Variants in PTH2R observed in about 807,000 individuals in gnomAD.
The protein encoded by PTH2R is PTH2 receptor.
A neutral mutation model predicts 60.3 loss-of-function variants in PTH2R; 59 were observed. The ratio of observed to expected loss-of-function variants is 0.98; its 90% CI spans 0.79 to 1.22. The LOEUF (loss-of-function observed/expected upper bound fraction) is 1.22. Among genes scored for constraint, PTH2R ranks in the 50% most tolerant of loss-of-function variants. PTH2R has a pLI of 0.00. For synonymous variants in PTH2R, 256 were observed against 243.8 expected (o/e 1.05, Z -0.47); for missense variants, 749 against 682.6 (o/e 1.10, Z -1.08).
chr2:208,465,295 G>C (rs555916129), intron 9 of PTH2R, among the ~76,000 whole-genome samples: 8 of 149,536 alleles, frequency 5.3e-5, no homozygotes, highest in Non-Finnish European at 1.2e-4. Flanking sequence ...CATTCTAACA[G>C]GTATGAGGTG....
intron 1 of PTH2R, among the ~76,000 whole-genome samples, chr2:208,365,203 G>A (rs530992202): frequency 6.6e-6 from 1 of 152,052 alleles, no homozygotes; most frequent in Non-Finnish European, 1.5e-5. Context: ...CCAATACTCT[G>A]TTGAATAGAA....
At position 208,443,443 on chromosome 2, in the gene PTH2R, A is replaced by T; in HGVS notation, c.605A>T (p.His202Leu). The change falls in exon 6 of 13, where the codon CAT becomes CTT. Residue 202 changes from histidine to leucine, a missense_variant. By Grantham distance (99) the His-to-Leu change is moderately conservative. Coordinates refer to ENST00000272847, the MANE Select transcript of PTH2R (RefSeq NM_005048.4). ...TSIFVKDRVV[H>L]AHIGVKELES... ...ATCTTTGTCAAAGACAGAGTAGTCC[A>T]TGCTCACATAGGAGTAAAGGAGCTG... 6.2e-7 allele frequency: 1 copy of T among 1,613,912 alleles called. No individual in the cohort carries two copies. Among genetic ancestry groups the T allele is most frequent in the Non-Finnish European group, 8.5e-7 (1 of 1,179,852 alleles).
intron 2 of PTH2R, among the ~76,000 whole-genome samples, chr2:208,436,988 T>A (rs768568385): frequency 3.9e-5 from 6 of 152,088 alleles, no homozygotes; most frequent in Non-Finnish European, 8.8e-5. Flanking sequence ...TGACAGTAGA[T>A]GTTGTGAGAA....
intron 12 of PTH2R, among the ~76,000 whole-genome samples, chr2:208,492,806 C>T (rs1324995534): frequency 6.6e-6 from 1 of 152,124 alleles, no homozygotes; most frequent in Non-Finnish European, 1.5e-5. Context: ...TGGCTGAGAT[C>T]ATCCTAGGGA....
Position 208,428,300 on chromosome 2 carries a change from G to A in PTH2R, c.175G>A (p.Gly59Arg). Residue 59 changes from glycine to arginine, a missense_variant, in exon 2 of 13, where the codon GGA (glycine) becomes AGA (arginine). Gly to Arg is a moderately radical substitution (Grantham distance 125). Coordinates refer to ENST00000272847, the MANE Select transcript of PTH2R (RefSeq NM_005048.4). Reference sequence around the variant, plus strand: ...CAACATCACAGCTCAACTCCAGGAGGGAGGTAAAGATGCCAAGAAAATTGG... The same window carrying A: ...CAACATCACAGCTCAACTCCAGGAGAGAGGTAAAGATGCCAAGAAAATTGG... ...ELNITAQLQEGEGNCFPEWDG... is the reference protein window; with the variant it reads ...ELNITAQLQEREGNCFPEWDG... The A allele has an allele frequency of 2.5e-6, 4 of 1,610,102 alleles. No individual in the cohort carries two copies. The highest frequency in any genetic ancestry group is 1.7e-4 in the Middle Eastern group (1 of 6,058).
At chr2:208,425,495 AT>A (rs1384005309) in intron 1 of PTH2R, among the ~76,000 whole-genome samples, 1 of 152,220 alleles carries the variant, frequency 6.6e-6, no homozygotes, top group Non-Finnish European at 1.5e-5. Context: ...TAATTTGCAT[AT>A]AAGTGGGTAT....
chr2:208,454,445 C>A (rs546089426), intron 8 of PTH2R, among the ~76,000 whole-genome samples: 1 of 152,142 alleles, frequency 6.6e-6, no homozygotes, highest in Non-Finnish European at 1.5e-5. Context: ...GAGAGGCTGG[C>A]TCTCCCTCTC....
intron 9 of PTH2R, among the ~76,000 whole-genome samples, chr2:208,465,861 C>G (rs1702739859): frequency 1.3e-5 from 2 of 152,126 alleles, no homozygotes; most frequent in South Asian, 4.1e-4. Flanking sequence ...CTACAAACAC[C>G]AGTTAGTTGC....
chr2:208,469,819 T>C (rs954952080), intron 9 of PTH2R: 4 of 152,224 alleles, frequency 2.6e-5, no homozygotes, highest in African/African-American at 9.6e-5. Context: ...AAATATTTCC[T>C]AATTAACAAA....
At chr2:208,403,215 G>A (rs1261479646), upstream of PTH2R, among the ~76,000 whole-genome samples, 2 of 152,164 alleles carry the variant, frequency 1.3e-5, no homozygotes, top group African/African-American at 2.4e-5. Flanking sequence ...TCAGTCAGAC[G>A]TTTTCCATGG....
chr2:208,360,517 CG>C, intron 1 of PTH2R: 3 of 158,446 alleles, frequency 1.9e-5, no homozygotes, highest in Non-Finnish European at 4.2e-5. Flanking sequence ...AGGCCGCTCC[CG>C]GGGCCCTGCC....
intron 1 of PTH2R, among the ~76,000 whole-genome samples, chr2:208,408,048 C>A (rs972871164): frequency 2.6e-5 from 4 of 152,106 alleles, no homozygotes; most frequent in Non-Finnish European, 5.9e-5. Context: ...TCTAAAAGTG[C>A]AGTTTAAAAA....
intron 1 of PTH2R, among the ~76,000 whole-genome samples, chr2:208,379,625 C>G (rs1300260493): frequency 1.6e-5 from 2 of 123,192 alleles, no homozygotes; most frequent in Non-Finnish European, 3.8e-5. Flanking sequence ...TTTCGGAGGC[C>G]CAGGTGGGCG....
chr2:208,452,388 T>A (rs1702423613), intron 8 of PTH2R, among the ~76,000 whole-genome samples: 1 of 152,252 alleles, frequency 6.6e-6, no homozygotes, highest in South Asian at 2.1e-4. Flanking sequence ...CTTCATTAAT[T>A]TGTATTCACA....
chr2:208,401,105 C>T (rs1574839802), intron 1 of PTH2R, among the ~76,000 whole-genome samples: 1 of 152,190 alleles, frequency 6.6e-6, no homozygotes, highest in Non-Finnish European at 1.5e-5. Context: ...ATGCCATGCT[C>T]AGAAATATTG....
chr2:208,396,090 G>A (rs1400440803), intron 1 of PTH2R, among the ~76,000 whole-genome samples: 1 of 152,166 alleles, frequency 6.6e-6, no homozygotes, highest in Non-Finnish European at 1.5e-5. Flanking sequence ...AATGGTGCTG[G>A]GAAAACTGGC....
Position 208,437,567 on chromosome 2 carries a change from T to G in PTH2R, c.209T>G (p.Leu70Arg). Residue 70 changes from leucine to arginine, a missense_variant, in exon 3 of 13, where the codon CTC becomes CGC. Transcript: ENST00000272847. ...AATTGTTTCCCTGAATGGGATGGACTCATTTGTTGGCCCAGAGGAACAGTG... is the reference window on the plus strand; with the variant it reads ...AATTGTTTCCCTGAATGGGATGGACGCATTTGTTGGCCCAGAGGAACAGTG... Reference protein sequence around the residue: ...EGNCFPEWDGLICWPRGTVGK... With the variant: ...EGNCFPEWDGRICWPRGTVGK... The G allele has an allele frequency of 6.2e-7, 1 of 1,613,276 alleles. No homozygotes were observed. Among genetic ancestry groups the G allele is most frequent in the Non-Finnish European group, 8.5e-7 (1 of 1,179,676 alleles).
At chr2:208,381,356 A>G (rs966612761) in intron 1 of PTH2R, among the ~76,000 whole-genome samples, 15 of 152,162 alleles carry the variant, frequency 9.9e-5, no homozygotes, top group Non-Finnish European at 2.2e-4. Context: ...CAGAATTGAT[A>G]TAATACAATA....
chr2:208,417,680 G>T (rs1234693141), intron 1 of PTH2R, among the ~76,000 whole-genome samples: 5 of 150,940 alleles, frequency 3.3e-5, no homozygotes, highest in Non-Finnish European at 7.4e-5. Context: ...CTCCCGAGTA[G>T]CTGGGATTAT....
Sources: allele counts gnomAD v4.1 joint callset (sites outside exome capture counted in the v4.1 genomes callset), GRCh38; gene constraint gnomAD v4.1.1; transcripts MANE v1.5; gene names NCBI Gene and HGNC (gene_info 2026-07-23, HGNC 2026-07-21).